Variants in MIS18BP1 observed in about 807,000 individuals in gnomAD.
MIS18BP1 encodes MIS18 binding protein 1, also known as mis18-binding protein 1.
MIS18BP1 carries 72 observed loss-of-function variants against 116.1 expected under a neutral mutation model. The ratio of observed to expected loss-of-function variants is 0.62; its 90% CI spans 0.51 to 0.75. MIS18BP1 has a LOEUF of 0.75. Ranked by LOEUF, MIS18BP1 falls within the 30% of genes least tolerant of loss-of-function variation. The pLI is 0.00. For synonymous variants in MIS18BP1, 386 were observed against 427.0 expected (o/e 0.90, Z 1.18); for missense variants, 1,363 against 1,303.2 (o/e 1.05, Z -0.71).
intron 1 of MIS18BP1, among the ~76,000 whole-genome samples, chr14:45,249,688 C>T (rs1019174291): frequency 2.4e-4 from 37 of 152,072 alleles, no homozygotes; most frequent in African/African-American, 6.3e-4. Context: ...CTGGCCAACA[C>T]GGTGAATCCC....
chr14:45,232,481 G>A, intron 7 of MIS18BP1: 1 of 336,088 alleles, frequency 3.0e-6, no homozygotes, highest in Non-Finnish European at 5.5e-6. Flanking sequence ...ACCTAAAACA[G>A]GTGCACTTAA....
Position 45,224,079 on chromosome 14 carries a change from T to C in MIS18BP1, c.2508A>G (p.Arg836=). 1 of 1,612,698 alleles carries C rather than the reference T, an allele frequency of 6.2e-7. No individual in the cohort carries two copies. The highest frequency in any genetic ancestry group is 8.5e-7 in the Non-Finnish European group (1 of 1,179,768). ...NEFYIKQKKA[R]PSVKETLQKS... The stretch of plus-strand genomic sequence containing the variant: ...TCTGAAGAGTTTCTTTGACGGAAGG[T>C]CTAGCTTTCTTTTGTTTGATATAAA... The change falls in exon 11 of 17, where the codon AGA becomes AGG. Residue 836 remains arginine (R), a synonymous_variant. Coordinates refer to ENST00000310806, the MANE Select transcript of MIS18BP1 (RefSeq NM_018353.5).
intron 2 of MIS18BP1, among the ~76,000 whole-genome samples, chr14:45,245,994 A>G (rs1223663221): frequency 6.6e-6 from 1 of 152,112 alleles, no homozygotes; most frequent in East Asian, 1.9e-4. Flanking sequence ...CCATCTGCAC[A>G]TTTACTATCT....
Position 45,224,053 on chromosome 14 carries a change from T to C in MIS18BP1, c.2534A>G (p.Lys845Arg), listed in dbSNP as rs765424657. ...TGGAAACTCTTTCCTAACACCAGAC[T>C]TCTGAAGAGTTTCTTTGACGGAAGG... is the stretch of plus-strand genomic sequence containing the variant. ...ARPSVKETLQKSGVRKEFPIT... is the reference protein window; with the variant it reads ...ARPSVKETLQRSGVRKEFPIT... The change falls in exon 11 of 17, where the codon AAG becomes AGG. Residue 845 changes from lysine (K) to arginine (R), a missense_variant. Coordinates refer to ENST00000310806, the MANE Select transcript of MIS18BP1 (RefSeq NM_018353.5). The C allele has an allele frequency of 6.2e-7, 1 of 1,613,772 alleles. No individual in the cohort carries two copies. Among genetic ancestry groups the C allele is most frequent in the Non-Finnish European group, 8.5e-7 (1 of 1,179,986 alleles).
At position 45,247,329 on chromosome 14, in the gene MIS18BP1, C is replaced by A. The variant is rs1256385056; in HGVS notation, c.-43G>T. On this transcript the variant is annotated 5_prime_UTR_variant, in exon 2 of 17. Transcript: ENST00000310806. ...AACCAAGTTCTTCTAACAGAAAATT[C>A]ACTTAAGCGCAATTTTCAGATAGAA... 4 of 1,479,876 alleles carry A rather than the reference C, an allele frequency of 2.7e-6. No homozygotes were observed. Among genetic ancestry groups the A allele is most frequent in the African/African-American group, 2.8e-5 (2 of 70,982 alleles). The allele number at this position is 1,479,876 out of a possible 1,614,324, so 91.7% of individuals were successfully genotyped here. A position where few individuals can be genotyped will look rare whatever the true frequency, so the allele number is the denominator to read the frequency against.
At chr14:45,234,468 T>A (rs148347740) in intron 6 of MIS18BP1, among the ~76,000 whole-genome samples, 78 of 152,226 alleles carry the variant, frequency 5.1e-4, no homozygotes, top group African/African-American at 1.6e-3. Flanking sequence ...AGTTCATCCA[T>A]AATAAAAGCA....
At chr14:45,231,477 G>T in intron 7 of MIS18BP1, 179 bp from the exon 8 acceptor site, 1 of 518,334 alleles carries the variant, frequency 1.9e-6, no homozygotes, top group Non-Finnish European at 3.3e-6. Context: ...ACAAAGAACT[G>T]AGGTGTAACA....
chr14:45,217,770 T>TAC (rs1366325369), intron 12 of MIS18BP1, among the ~76,000 whole-genome samples: 3 of 152,152 alleles, frequency 2.0e-5, no homozygotes, highest in African/African-American at 7.2e-5. Context: ...TGACTGCCTC[T>TAC]ACATTGCCTC....
At position 45,246,979 on chromosome 14, in the gene MIS18BP1, T is replaced by G. The variant is rs1891738663; in HGVS notation, c.308A>C (p.Lys103Thr). The G allele has an allele frequency of 1.2e-6, 2 of 1,610,764 alleles. No individual in the cohort carries two copies. Among genetic ancestry groups the G allele is most frequent in the African/African-American group, 1.3e-5 (1 of 74,766 alleles). The part of the protein sequence containing the change: ...SAIKPNKDGL[K>T]NKANYESPGK... ...TGGTGATTCATAGTTTGCTTTATTT[T>G]TTAATCCATCCTTGTTGGGCTTTAT... is the stretch of plus-strand genomic sequence containing the variant. The change falls in exon 2 of 17, where the codon AAA (lysine) becomes ACA (threonine). Residue 103 changes from lysine to threonine, a missense_variant. Coordinates refer to ENST00000310806, the MANE Select transcript of MIS18BP1 (RefSeq NM_018353.5).
At chr14:45,250,792 G>GATCACGAGGCGAATGACGGCGA (rs1891848556) in intron 1 of MIS18BP1, among the ~76,000 whole-genome samples, 1 of 152,028 alleles carries the variant, frequency 6.6e-6, no homozygotes, top group Admixed American at 6.6e-5. Context: ...GAGGCCAAGT[G>GATCACGAGGCGAATGACGGCGA]ATCACGAGGC....
In MIS18BP1 at chr14:45,231,134, A is replaced by C. The variant is rs1004666002; in HGVS notation, c.1594+7T>G. ...TGTACCAACAGAGAAGTAAAGACAA[A>C]ACATACCCAAATTATCACAATCAAA... On this transcript the variant is annotated splice_region_variant and intron_variant, in intron 8 of 16. Transcript: ENST00000310806. 6.2e-7 allele frequency: 1 copy of C among 1,610,708 alleles called. No homozygotes were observed. The highest frequency in any genetic ancestry group is 8.5e-7 in the Non-Finnish European group (1 of 1,178,854).
At chr14:45,217,305 T>C in intron 12 of MIS18BP1, 126 bp from the exon 13 acceptor site, 1 of 1,125,506 alleles carries the variant, frequency 8.9e-7, no homozygotes, top group Non-Finnish European at 1.3e-6. Context: ...AAACTCAGCC[T>C]TGGCCAGGCT....
intron 1 of MIS18BP1, among the ~76,000 whole-genome samples, chr14:45,249,190 C>T (rs1378450302): frequency 6.6e-6 from 1 of 152,094 alleles, no homozygotes; most frequent in East Asian, 1.9e-4. Flanking sequence ...CTCATGGGTT[C>T]AAGCAATTCT....
At chr14:45,232,895 T>A in intron 6 of MIS18BP1, 75 bp from the exon 7 acceptor site, 3 of 715,840 alleles carry the variant, frequency 4.2e-6, no homozygotes, top group Non-Finnish European at 7.2e-6. Flanking sequence ...ATTCATTACA[T>A]CATTCAAGAA....
At chr14:45,228,136 C>G (rs1891177155) in intron 8 of MIS18BP1, among the ~76,000 whole-genome samples, 1 of 152,202 alleles carries the variant, frequency 6.6e-6, no homozygotes, top group Non-Finnish European at 1.5e-5. Flanking sequence ...GTACTCCAGC[C>G]TGGGTGACAG....
In MIS18BP1 at chr14:45,206,343, G is replaced by GT. The variant is rs1200587530; in HGVS notation, c.3153-174dup. On this transcript the variant is annotated intron_variant, in intron 14 of 16. Transcript: ENST00000310806. ...ACTCTGTCGCCCAGGCTGGAGTGCAGTAACATGATAATGGCTCACTGCAGC... is the reference window on the plus strand; with the variant it reads ...ACTCTGTCGCCCAGGCTGGAGTGCAGTTAACATGATAATGGCTCACTGCAGC... 3 of 531,212 alleles carry GT rather than the reference G, an allele frequency of 5.6e-6. No homozygotes were observed. The East Asian group carries it at 1.0e-4, about 18-fold the overall frequency. 32.9% of individuals were successfully genotyped at this position (531,212 alleles called of 1,614,324 possible).
intron 13 of MIS18BP1, among the ~76,000 whole-genome samples, chr14:45,215,439 TTC>T (rs1478596388): frequency 6.6e-6 from 1 of 152,226 alleles, no homozygotes; most frequent in African/African-American, 2.4e-5. Flanking sequence ...TAATTTTTTT[TTC>T]TCTTTTTGAG....
At position 45,227,900 on chromosome 14, in the gene MIS18BP1, G is replaced by C. The variant is rs543678338; in HGVS notation, c.1595-86C>G. 2,354 of 1,378,802 alleles carry C rather than the reference G, an allele frequency of 1.7e-3. 4 individuals carry two copies. Among genetic ancestry groups the C allele is most frequent in the Non-Finnish European group, 2.2e-3 (2,149 of 995,416 alleles). 85.4% of individuals were successfully genotyped at this position (1,378,802 alleles called of 1,614,324 possible). A position where few individuals can be genotyped will look rare whatever the true frequency, so the allele number is the denominator to read the frequency against. ...ACATGAAGAATTAACTTTGACGCTA[G>C]GTGTGGTGGCTCACGCCTGTAATCC... On this transcript the variant is annotated intron_variant, in intron 8 of 16. Transcript: ENST00000310806.
chr14:45,251,753 T>C (rs186015995), intron 1 of MIS18BP1, among the ~76,000 whole-genome samples: 71 of 152,336 alleles, frequency 4.7e-4, no homozygotes, highest in African/African-American at 1.5e-3. Flanking sequence ...AGGTGATTAA[T>C]AGAATACAAA....
Sources: gnomAD v4.1 joint callset for allele counts (sites outside exome capture counted in the v4.1 genomes callset) on GRCh38, gnomAD v4.1.1 for gene constraint, MANE v1.5 for transcripts, NCBI Gene and HGNC (gene_info 2026-07-23, HGNC 2026-07-21) for gene names.